CPNE5: variants seen among roughly 807,000 people sequenced by gnomAD.
CPNE5 encodes the protein copine 5.
A neutral mutation model predicts 81.1 loss-of-function variants in CPNE5; 42 were observed. The observed-to-expected ratio is 0.52, with a 90% CI of 0.40 to 0.67. The LOEUF is 0.67. Among genes scored for constraint, CPNE5 ranks in the 30% least tolerant of loss-of-function variants. CPNE5 has a pLI of 0.00. For synonymous variants in CPNE5, 313 were observed against 321.5 expected, an observed-to-expected ratio of 0.97 and a Z score of 0.28; for missense variants, 612 against 815.5, an observed-to-expected ratio of 0.75 and a Z score of 3.04.
intron 6 of CPNE5, among the ~76,000 whole-genome samples, chr6:36,796,262 T>C (rs1769564401): frequency 6.6e-6 from 1 of 152,250 alleles, no homozygotes; most frequent in South Asian, 2.1e-4. Flanking sequence ...CTCTATATTT[T>C]AGAACTTGCT....
intron 13 of CPNE5, among the ~76,000 whole-genome samples, chr6:36,754,078 G>C (rs1765129552): frequency 6.8e-6 from 1 of 147,442 alleles, no homozygotes; most frequent in Admixed American, 6.9e-5. Context: ...TGGCAGCTCA[G>C]ACTTACTAGG....
intron 1 of CPNE5, among the ~76,000 whole-genome samples, chr6:36,825,172 A>G (rs532935548): frequency 2.0e-5 from 3 of 152,290 alleles, no homozygotes; most frequent in Non-Finnish European, 2.9e-5. Flanking sequence ...ACTTGACCCC[A>G]TAATCAACCC....
chr6:36,839,532 A>G, upstream of CPNE5: 1 of 556,804 alleles, frequency 1.8e-6, no homozygotes, highest in South Asian at 2.8e-5. The surrounding 1 kb of genome is among the most constrained non-coding windows in gnomAD (Gnocchi z 7.3). Context: ...GTGGGAAGTG[A>G]GAGAGGGAAG....
intron 8 of CPNE5, among the ~76,000 whole-genome samples, chr6:36,782,660 C>T (rs995743897): frequency 7.9e-5 from 12 of 151,928 alleles, no homozygotes; most frequent in East Asian, 1.9e-4. Context: ...AAAAATTAGC[C>T]GGGCATGCCT....
chr6:36,765,608 A>G (rs1231469343), intron 10 of CPNE5, among the ~76,000 whole-genome samples: 2 of 152,138 alleles, frequency 1.3e-5, no homozygotes, highest in Non-Finnish European at 2.9e-5. Flanking sequence ...CAGAATTTCA[A>G]GGAGAATGTG....
At chr6:36,830,661 T>G (rs555488149) in intron 1 of CPNE5, among the ~76,000 whole-genome samples, 2 of 152,322 alleles carry the variant, frequency 1.3e-5, no homozygotes, top group East Asian at 3.9e-4. Context: ...GAGCAGGAGC[T>G]CTGGCCTCAG....
At chr6:36,772,741 G>T (rs1767148433) in intron 10 of CPNE5, among the ~76,000 whole-genome samples, 2 of 152,218 alleles carry the variant, frequency 1.3e-5, no homozygotes, top group Non-Finnish European at 2.9e-5. Context: ...TGTAACAGGG[G>T]TGCCTGGAGG....
chr6:36,744,165 G>T, intron 19 of CPNE5, 103 bp downstream of exon 19: 2 of 951,248 alleles, frequency 2.1e-6, no homozygotes, highest in Non-Finnish European at 3.3e-6. Context: ...CTTTTGGGAG[G>T]GGTCATTCCC....
At chr6:36,812,654 G>A (rs778729649) in intron 3 of CPNE5, among the ~76,000 whole-genome samples, 3 of 152,228 alleles carry the variant, frequency 2.0e-5, no homozygotes, top group Non-Finnish European at 4.4e-5. Flanking sequence ...CTGTGAGTAG[G>A]TGGCCATAGA....
chr6:36,823,057 C>A lies in CPNE5; in HGVS notation c.136+1G>T. ...GTTCTTATTGTCAGAGCAGGACTTACGTGGGTCGGACTTGGAAAACATGTC... is the reference window on the plus strand; with the variant it reads ...GTTCTTATTGTCAGAGCAGGACTTAAGTGGGTCGGACTTGGAAAACATGTC... On this transcript the variant is annotated splice_donor_variant, in intron 2 of 20. Coordinates refer to ENST00000244751, the MANE Select transcript of CPNE5 (RefSeq NM_020939.2). LOFTEE classifies it high-confidence loss of function. 1.9e-6 allele frequency: 3 copies of A among 1,574,166 alleles called. No homozygotes were observed. The highest frequency in any genetic ancestry group is 2.6e-6 in the Non-Finnish European group (3 of 1,158,508).
At chr6:36,811,661 C>A (rs535538366) in intron 3 of CPNE5, among the ~76,000 whole-genome samples, 1 of 152,274 alleles carries the variant, frequency 6.6e-6, no homozygotes, top group African/African-American at 2.4e-5. Flanking sequence ...AAAGCCAACT[C>A]CTTTCTTCAA....
Position 36,744,340 on chromosome 6 carries a change from G to T in CPNE5, c.1432-15C>A. The T allele has an allele frequency of 1.9e-6, 3 of 1,574,792 alleles. No homozygotes were observed. The highest frequency in any genetic ancestry group is 2.6e-6 in the Non-Finnish European group (3 of 1,159,584). On this transcript the variant is annotated splice_polypyrimidine_tract_variant and intron_variant, in intron 18 of 20. Coordinates refer to ENST00000244751, the MANE Select transcript of CPNE5 (RefSeq NM_020939.2). The stretch of plus-strand genomic sequence containing the variant: ...AGCTTGGCAGCCTGGGAGACAGCAT[G>T]GGGGGCAGGGAAAGGTTGGACCCAA...
chr6:36,794,824 C>T (rs1489212862), intron 6 of CPNE5, among the ~76,000 whole-genome samples, 175 bp from the exon 7 acceptor site: 1 of 152,184 alleles, frequency 6.6e-6, no homozygotes, highest in African/African-American at 2.4e-5. Context: ...GCAAATTCCT[C>T]TCCTTCAGTG....
At chr6:36,742,676 G>A in intron 20 of CPNE5, 190 bp from the exon 21 acceptor site, 3 of 983,296 alleles carry the variant, frequency 3.1e-6, no homozygotes, top group Non-Finnish European at 3.6e-6. Flanking sequence ...AGTAACTATA[G>A]TCATAGTCAC....
In CPNE5 at chr6:36,745,418, T is replaced by A; in HGVS notation, c.1298A>T (p.Asn433Ile). Residue 433 changes from asparagine (N) to isoleucine (I), a missense_variant, in exon 17 of 21, where the codon AAC (asparagine) becomes ATC (isoleucine). Transcript: ENST00000244751. ...LRTVQLYGPT[N>I]FAPVVTHVAR... Reference sequence around the variant, plus strand: ...CACGTGGGTGACCACGGGGGCAAAGTTGGTGGGGCCGTACAGCTGCACAGT... The same window carrying A: ...CACGTGGGTGACCACGGGGGCAAAGATGGTGGGGCCGTACAGCTGCACAGT... 1 of 1,607,534 alleles carries A rather than the reference T, an allele frequency of 6.2e-7. No individual in the cohort carries two copies. Among genetic ancestry groups the A allele is most frequent in the Non-Finnish European group, 8.5e-7 (1 of 1,177,712 alleles).
At position 36,796,230 on chromosome 6, in the gene CPNE5, T is replaced by A. The variant is rs116159071; in HGVS notation, c.405-1581A>T. Among the ~76,000 whole-genome samples the A allele has an allele frequency of 4.6e-3, 700 of 152,372 alleles. 9 individuals carry two copies. The highest frequency in any genetic ancestry group is 0.016 in the African/African-American group (660 of 41,590). ...TCCCACAGTGCTGGGATTACAGGCA[T>A]GAGCTACTGAGCCCTGCCAACCTCT... On this transcript the variant is annotated intron_variant, in intron 6 of 20. Coordinates refer to ENST00000244751, the MANE Select transcript of CPNE5 (RefSeq NM_020939.2).
At chr6:36,787,905 C>G (rs1016591351) in intron 8 of CPNE5, among the ~76,000 whole-genome samples, 1 of 152,036 alleles carries the variant, frequency 6.6e-6, no homozygotes, top group African/African-American at 2.4e-5. Flanking sequence ...TATCCTGAGC[C>G]GGGAAGTCCT....
intron 1 of CPNE5, among the ~76,000 whole-genome samples, chr6:36,832,267 G>A (rs1325593696): frequency 6.6e-6 from 1 of 152,100 alleles, no homozygotes; most frequent in Non-Finnish European, 1.5e-5. Flanking sequence ...TAGATGCCAC[G>A]TTTGCCCATC....
intron 3 of CPNE5, 63 bp from the exon 4 acceptor site, chr6:36,800,133 G>T: frequency 8.3e-7 from 1 of 1,198,736 alleles, no homozygotes; most frequent in South Asian, 1.3e-5. Flanking sequence ...GGTGGGGCAG[G>T]GGAGAGCACT....
Sources: allele counts gnomAD v4.1 joint callset (sites outside exome capture counted in the v4.1 genomes callset), GRCh38; gene constraint gnomAD v4.1.1; non-coding constraint Gnocchi (gnomAD v3.1); transcripts MANE v1.5; gene names NCBI Gene and HGNC (gene_info 2026-07-23, HGNC 2026-07-21).